The following SLC25A1 variants were observed in gnomAD, a reference collection of about 807,000 sequenced individuals.
SLC25A1 encodes the protein solute carrier family 25 member 1.
Under a neutral mutation model 38.1 loss-of-function variants are expected in SLC25A1, and 26 were observed. The ratio of observed to expected loss-of-function variants is 0.68; its 90% CI spans 0.50 to 0.95. The LOEUF is 0.95. SLC25A1 is among the 40% of genes least tolerant of loss of function. The pLI, the probability that SLC25A1 is intolerant of heterozygous loss-of-function variation, is 0.00. For missense variants in SLC25A1, 378 were observed against 426.6 expected, an observed-to-expected ratio of 0.89 and a Z score of 1.00; for synonymous variants, 211 against 183.2, an observed-to-expected ratio of 1.15 and a Z score of -1.23.
chr22:19,176,154 G>A lies in SLC25A1; in HGVS notation c.912C>T (p.Leu304=). ...CTTAGTCCGTCTTCCACACTTTGTTGAGCAGCTTCACCACTTCATCATAGA... is the reference window on the plus strand; with the variant it reads ...CTTAGTCCGTCTTCCACACTTTGTTAAGCAGCTTCACCACTTCATCATAGA... ...FVIYDEVVKL[L]NKVWKTD is the part of the protein sequence containing the mutation. Residue 304 remains leucine (L), a synonymous_variant, in exon 9 of 9, where the codon CTC becomes CTT. Transcript: ENST00000215882. The A allele has an allele frequency of 6.2e-7, 1 of 1,613,922 alleles. No individual in the cohort carries two copies. Among genetic ancestry groups the A allele is most frequent in the South Asian group, 1.1e-5 (1 of 91,068 alleles).
In SLC25A1 at chr22:19,176,723, A is replaced by T. The variant is rs375842130; in HGVS notation, c.632-30T>A. On this transcript the variant is annotated intron_variant, in intron 6 of 8. Coordinates refer to ENST00000215882, the MANE Select transcript of SLC25A1 (RefSeq NM_005984.5). ...ATATAGGAGGGGTGAGGTGGGTCAG[A>T]GGGTGCCGGGAGGGGCCTGGATCAG... 4 of 1,603,624 alleles carry T rather than the reference A, an allele frequency of 2.5e-6. No individual in the cohort carries two copies. In the African/African-American group the frequency reaches 5.4e-5, roughly 21 times the overall value.
chr22:19,177,907 C>A (rs532384674), intron 3 of SLC25A1, 35 bp downstream of exon 3: 2 of 1,582,258 alleles, frequency 1.3e-6, no homozygotes, highest in Non-Finnish European at 1.7e-6. Flanking sequence ...CGCGGCCGAG[C>A]CCCCCTCCCG....
At position 19,176,991 on chromosome 22, in the gene SLC25A1, G is replaced by A. The variant is rs200437722; in HGVS notation, c.527-41C>T. ...CACGGGGTTACCCTGCAGCCTCTCA[G>A]GCCCCGGTTGGGAATTGGTGTGTGT... is the stretch of plus-strand genomic sequence containing the variant. On this transcript the variant is annotated intron_variant, in intron 5 of 8. Coordinates refer to ENST00000215882, the MANE Select transcript of SLC25A1 (RefSeq NM_005984.5). 9.9e-6 allele frequency: 16 copies of A among 1,608,088 alleles called. No homozygotes were observed. In the East Asian group the frequency reaches 2.7e-4, roughly 27 times the overall value.
In SLC25A1 at chr22:19,178,706, T is replaced by G; in HGVS notation, c.-33A>C. 1 of 1,019,586 alleles carries G rather than the reference T, an allele frequency of 9.8e-7. No homozygotes were observed. 63.2% of individuals were successfully genotyped at this position (1,019,586 alleles called of 1,614,324 possible). ...GGGAGGCGGGGCGCCCTGTGGCGGC[T>G]TCGGGTCCGAGACTCCAGAACTCCG... is the stretch of plus-strand genomic sequence containing the variant. On this transcript the variant is annotated 5_prime_UTR_variant, in exon 1 of 9. Coordinates refer to ENST00000215882, the MANE Select transcript of SLC25A1 (RefSeq NM_005984.5). This position sits in a 1 kb window ranked among gnomAD's most constrained non-coding sequence, Gnocchi z 4.9.
At chr22:19,177,041 C>T in intron 5 of SLC25A1, 79 bp downstream of exon 5, 3 of 1,584,400 alleles carry the variant, frequency 1.9e-6, no homozygotes, top group Non-Finnish European at 2.6e-6. Flanking sequence ...GCACAAAGCC[C>T]AAGGCAGGAT....
Position 19,178,385 on chromosome 22 carries a change from AC to A in SLC25A1, c.95-146del. 1 of 1,408,694 alleles carries A rather than the reference AC, an allele frequency of 7.1e-7. No homozygotes were observed. The allele number at this position is 1,408,694 out of a possible 1,614,324, so 87.3% of individuals were successfully genotyped here. ...TGGGGCCCCACGCCCCCATGCCCTC[AC>A]CCCGTTGTCCCGGCGAGGCGCAGGG... is the stretch of plus-strand genomic sequence containing the variant. On this transcript the variant is annotated intron_variant, in intron 1 of 8. Transcript: ENST00000215882. The surrounding 1 kb of genome is among the most constrained non-coding windows in gnomAD (Gnocchi z 4.9).
chr22:19,177,042 A>G, intron 5 of SLC25A1, 78 bp downstream of exon 5: 1 of 1,583,536 alleles, frequency 6.3e-7, no homozygotes, highest in Non-Finnish European at 8.7e-7. Context: ...CACAAAGCCC[A>G]AGGCAGGATG....
chr22:19,178,053 G>T lies in SLC25A1; in HGVS notation c.203-12C>A, dbSNP rs1555923208. The T allele has an allele frequency of 2.5e-6, 4 of 1,575,748 alleles. No homozygotes were observed. Among genetic ancestry groups the T allele is most frequent in the Non-Finnish European group, 3.4e-6 (4 of 1,163,088 alleles). On this transcript the variant is annotated splice_polypyrimidine_tract_variant and intron_variant, in intron 2 of 8. Coordinates refer to ENST00000215882, the MANE Select transcript of SLC25A1 (RefSeq NM_005984.5). This position sits in a 1 kb window ranked among gnomAD's most constrained non-coding sequence, Gnocchi z 4.9. ...CCGCACGCAGTCCCCTGGGGGAGGG[G>T]GCGGTCAGGACCCCACGGCCCTCGG...
At position 19,176,822 on chromosome 22, in the gene SLC25A1, T is replaced by C. The variant is rs1555922474; in HGVS notation, c.631+24A>G. 2.5e-6 allele frequency: 4 copies of C among 1,611,052 alleles called. No homozygotes were observed. The South Asian group carries it at 4.4e-5, about 18-fold the overall frequency. On this transcript the variant is annotated intron_variant, in intron 6 of 8. Transcript: ENST00000215882. ...GAGAGGAGCTGGCCATGTGCAGAGATGGGGCCCTGTGATGCAGACACACCT... is the reference window on the plus strand; with the variant it reads ...GAGAGGAGCTGGCCATGTGCAGAGACGGGGCCCTGTGATGCAGACACACCT...
Position 19,178,719 on chromosome 22 carries a change from C to T in SLC25A1, c.-46G>A. ...CCCTGTGGCGGCTTCGGGTCCGAGA[C>T]TCCAGAACTCCGCGCTCGGTCCGCG... On this transcript the variant is annotated 5_prime_UTR_variant, in exon 1 of 9. Coordinates refer to ENST00000215882, the MANE Select transcript of SLC25A1 (RefSeq NM_005984.5). The surrounding 1 kb of genome is among the most constrained non-coding windows in gnomAD (Gnocchi z 4.9). The T allele has an allele frequency of 1.1e-6, 1 of 912,018 alleles. No homozygotes were observed. The highest frequency in any genetic ancestry group is 1.3e-6 in the Non-Finnish European group (1 of 741,432). 56.5% of individuals were successfully genotyped at this position (912,018 alleles called of 1,614,324 possible).
Position 19,177,742 on chromosome 22 carries a change from G to A in SLC25A1, c.426C>T (p.Pro142=). The change falls in exon 4 of 9, where the codon CCC becomes CCT. Residue 142 remains proline (P), a synonymous_variant. Transcript: ENST00000215882. Reference sequence around the variant, plus strand: ...CCTTCCCCACCTTGATGGTCTCCATGGGGCACACGACCACCACGGCCTCGG... The same window carrying A: ...CCTTCCCCACCTTGATGGTCTCCATAGGGCACACGACCACCACGGCCTCGG... ...GVAEAVVVVC[P]METIKVKFIH... 3 of 1,608,326 alleles carry A rather than the reference G, an allele frequency of 1.9e-6. No individual in the cohort carries two copies. Among genetic ancestry groups the A allele is most frequent in the Non-Finnish European group, 2.5e-6 (3 of 1,179,522 alleles).
rs370210246 is a variant in SLC25A1 at position 19,176,293 on chromosome 22, C to T, written c.822-49G>A. 519 of 1,565,614 alleles carry T rather than the reference C, an allele frequency of 3.3e-4. 1 individual carries two copies. Among genetic ancestry groups the T allele is most frequent in the Admixed American group, 5.3e-4 (32 of 59,938 alleles). On this transcript the variant is annotated intron_variant, in intron 8 of 8. Coordinates refer to ENST00000215882, the MANE Select transcript of SLC25A1 (RefSeq NM_005984.5). Reference sequence around the variant, plus strand: ...GAGGAAGGCAGGTCAGCACAGTGTCCCTGCACAGGGCAATCCCCAGATACT... The same window carrying T: ...GAGGAAGGCAGGTCAGCACAGTGTCTCTGCACAGGGCAATCCCCAGATACT...
In SLC25A1 at chr22:19,176,670, T is replaced by C; in HGVS notation, c.655A>G (p.Asn219Asp). 6.2e-7 allele frequency: 1 copy of C among 1,613,942 alleles called. No individual in the cohort carries two copies. Among genetic ancestry groups the C allele is most frequent in the South Asian group, 1.1e-5 (1 of 91,080 alleles). ...CCGAAGACCCCAGTGATCAGAGGGT[T>C]CATGGGCTTGTTGGGGTTGTCCCCT... is the stretch of plus-strand genomic sequence containing the variant. ...YRGDNPNKPM[N>D]PLITGVFGAI... is the part of the protein sequence containing the mutation. Residue 219 changes from asparagine (N) to aspartate (D), a missense_variant, in exon 7 of 9, where the codon AAC (asparagine) becomes GAC (aspartate). Asn to Asp is a conservative substitution (Grantham distance 23). Coordinates refer to ENST00000215882, the MANE Select transcript of SLC25A1 (RefSeq NM_005984.5).
At chr22:19,176,974 T>C (rs1555922557) in intron 5 of SLC25A1, 24 bp from the exon 6 acceptor site, 2 of 1,610,802 alleles carry the variant, frequency 1.2e-6, no homozygotes, top group East Asian at 2.2e-5. Context: ...GGCACGGGGT[T>C]ACCCTGCAGC....
Position 19,178,575 on chromosome 22 carries a change from C to T in SLC25A1, c.94+5G>A. The T allele has an allele frequency of 8.1e-7, 1 of 1,231,216 alleles. No individual in the cohort carries two copies. Among genetic ancestry groups the T allele is most frequent in the African/African-American group, 1.6e-5 (1 of 63,760 alleles). The allele number at this position is 1,231,216 out of a possible 1,614,324, so 76.3% of individuals were successfully genotyped here. On this transcript the variant is annotated splice_donor_5th_base_variant and intron_variant, in intron 1 of 8. Coordinates refer to ENST00000215882, the MANE Select transcript of SLC25A1 (RefSeq NM_005984.5). The surrounding 1 kb of genome is among the most constrained non-coding windows in gnomAD (Gnocchi z 4.9). ...GAGAGGGGTCCGCGTCCCGGAGGGG[C>T]CCACCTGCCAGGATCGCCTTCCCCG... is the stretch of plus-strand genomic sequence containing the variant.
intron 7 of SLC25A1, 33 bp downstream of exon 7, chr22:19,176,545 C>T (rs782188415): frequency 1.2e-6 from 2 of 1,609,180 alleles, no homozygotes; most frequent in South Asian, 1.1e-5. Flanking sequence ...CTGGCCTGGT[C>T]CCCCCTTCCC....
In SLC25A1 at chr22:19,178,454, G is replaced by C; in HGVS notation, c.94+126C>G. On this transcript the variant is annotated intron_variant, in intron 1 of 8. Coordinates refer to ENST00000215882, the MANE Select transcript of SLC25A1 (RefSeq NM_005984.5). The surrounding 1 kb of genome is among the most constrained non-coding windows in gnomAD (Gnocchi z 4.9). ...GGGCGAGTCCCAGCGCGCCGGGTGG[G>C]GACCAGGACCGCGCCTCCACGACTC... The C allele has an allele frequency of 7.4e-7, 1 of 1,359,576 alleles. No homozygotes were observed. The highest frequency in any genetic ancestry group is 9.4e-7 in the Non-Finnish European group (1 of 1,062,240). 84.2% of individuals were successfully genotyped at this position (1,359,576 alleles called of 1,614,324 possible).
In SLC25A1 at chr22:19,176,967, A is replaced by T. The variant is rs376575655; in HGVS notation, c.527-17T>A. 487 of 1,612,454 alleles carry T rather than the reference A, an allele frequency of 3.0e-4. No individual in the cohort carries two copies. The highest frequency in any genetic ancestry group is 3.4e-4 in the Non-Finnish European group (405 of 1,179,232). ...CCTTCAGCCCTGCGGGAAGGCAGGC[A>T]CGGGGTTACCCTGCAGCCTCTCAGG... is the stretch of plus-strand genomic sequence containing the variant. On this transcript the variant is annotated splice_polypyrimidine_tract_variant and intron_variant, in intron 5 of 8. Transcript: ENST00000215882.
chr22:19,176,287 A>T, intron 8 of SLC25A1, 43 bp from the exon 9 acceptor site: 1 of 1,567,022 alleles, frequency 6.4e-7, no homozygotes, highest in African/African-American at 1.3e-5. Flanking sequence ...AGGTCAGCAC[A>T]GTGTCCCTGC....
Sources: gnomAD v4.1 joint callset for allele counts on GRCh38, gnomAD v4.1.1 for gene constraint, Gnocchi (gnomAD v3.1) non-coding constraint, MANE v1.5 for transcripts, NCBI Gene and HGNC (gene_info 2026-07-23, HGNC 2026-07-21) for gene names.